GCSAML: variants seen among roughly 807,000 people sequenced by gnomAD.
GCSAML encodes germinal center associated signaling and motility like.
GCSAML carries 9 observed loss-of-function variants against 13.0 expected under a neutral mutation model. The observed-to-expected ratio is 0.69, with a 90% CI of 0.42 to 1.21. The LOEUF is 1.21. Among genes scored for constraint, GCSAML ranks in the 50% most tolerant of loss-of-function variants. The pLI, the probability that GCSAML is intolerant of heterozygous loss-of-function variation, is 0.00. For missense variants in GCSAML, 143 were observed against 153.4 expected (o/e 0.93, Z 0.36); for synonymous variants, 37 against 52.9 (o/e 0.70, Z 1.31).
rs1173362057 is a variant in GCSAML at position 247,577,605 on chromosome 1, A to C, written c.*3223A>C. ...TAGATATACTATAATTTGTTAATCT[A>C]ATCACTGATGGATATGTAGGATATT... On this transcript the variant is annotated 3_prime_UTR_variant, in exon 5 of 5. Transcript: ENST00000366488. The C allele has an allele frequency of 6.6e-6, 1 of 152,230 alleles. No individual in the cohort carries two copies. The highest frequency in any genetic ancestry group is 1.5e-5 in the Non-Finnish European group (1 of 68,038). The allele number at this position is 152,230 out of a possible 1,614,324, so 9.4% of individuals were successfully genotyped here.
chr1:247,532,450 C>G (rs201316551), intron 2 of GCSAML: 4 of 1,613,792 alleles, frequency 2.5e-6, no homozygotes, highest in Non-Finnish European at 3.4e-6. Context: ...TAGTGAGGGT[C>G]GTGTGGAGAA....
chr1:247,565,763 T>G, intron 3 of GCSAML, 168 bp from the exon 4 acceptor site: 1 of 592,730 alleles, frequency 1.7e-6, no homozygotes, highest in East Asian at 3.2e-5. Context: ...TCTTGAGAAC[T>G]TCAGTTATAA....
chr1:247,542,381 A>G (rs996403179), intron 2 of GCSAML, among the ~76,000 whole-genome samples: 2 of 152,240 alleles, frequency 1.3e-5, no homozygotes, highest in African/African-American at 4.8e-5. Context: ...CTTGTAGAAT[A>G]CTGGTGGTCC....
intron 2 of GCSAML, among the ~76,000 whole-genome samples, chr1:247,541,987 G>C (rs1258061662): frequency 6.7e-6 from 1 of 149,728 alleles, no homozygotes; most frequent in Non-Finnish European, 1.5e-5. Context: ...TCCAGCCTGG[G>C]CAACAGAGTG....
chr1:247,549,880 T>C (rs769623757), intron 1 of GCSAML, among the ~76,000 whole-genome samples: 5 of 152,250 alleles, frequency 3.3e-5, no homozygotes, highest in Non-Finnish European at 5.9e-5. Flanking sequence ...TAATCTTAAA[T>C]GATGGGCTCT....
chr1:247,514,223 C>T lies in GCSAML; in HGVS notation c.-263+6990C>T, dbSNP rs564693546. 7.9e-5 allele frequency among the ~76,000 whole-genome samples: 12 copies of T among 152,292 alleles called. No homozygotes were observed. The East Asian group carries it at 2.1e-3, about 27-fold the overall frequency. On this transcript the variant is annotated intron_variant, in intron 1 of 5. Coordinates refer to the GCSAML transcript ENST00000366489. ...CCGGATCTCTTGACCTCATGATCTG[C>T]CCACCTTGGCCTCCCAAAGTGCTGG... is the stretch of plus-strand genomic sequence containing the variant.
At chr1:247,542,449 G>A (rs887404556) in intron 2 of GCSAML, among the ~76,000 whole-genome samples, 1 of 152,180 alleles carries the variant, frequency 6.6e-6, no homozygotes, top group Admixed American at 6.5e-5. Flanking sequence ...TCCCAAAGTG[G>A]ATCATTCAGT....
chr1:247,555,567 A>T (rs1294293064), intron 1 of GCSAML, among the ~76,000 whole-genome samples: 1 of 152,194 alleles, frequency 6.6e-6, no homozygotes, highest in African/African-American at 2.4e-5. Context: ...CTATTCAGGG[A>T]AGGCACTTTC....
intron 1 of GCSAML, among the ~76,000 whole-genome samples, chr1:247,518,840 AT>A (rs1666314678): frequency 6.6e-6 from 1 of 152,128 alleles, no homozygotes; most frequent in East Asian, 1.9e-4. Context: ...AATGTAAAAA[AT>A]TAGCCGGGCT....
chr1:247,574,553 G>A lies in GCSAML; in HGVS notation c.*171G>A, dbSNP rs1168941256. 7.7e-6 allele frequency: 5 copies of A among 652,612 alleles called. No homozygotes were observed. Among genetic ancestry groups the A allele is most frequent in the Non-Finnish European group, 2.5e-6 (1 of 395,422 alleles). 40.4% of individuals were successfully genotyped at this position (652,612 alleles called of 1,614,324 possible). On this transcript the variant is annotated 3_prime_UTR_variant, in exon 5 of 5. Transcript: ENST00000366488. ...AACTCTGATATGTGGCATCTCTGTG[G>A]CTTAGGTGAAATCATAGAAATTGAC...
At chr1:247,511,337 C>T (rs1558231152) in intron 1 of GCSAML, among the ~76,000 whole-genome samples, 1 of 151,970 alleles carries the variant, frequency 6.6e-6, no homozygotes, top group Non-Finnish European at 1.5e-5. Context: ...GGATTGCAAC[C>T]TCTGCTTTTT....
chr1:247,509,626 G>C (rs1202629336), intron 1 of GCSAML, among the ~76,000 whole-genome samples: 1 of 152,116 alleles, frequency 6.6e-6, no homozygotes, highest in Non-Finnish European at 1.5e-5. Context: ...CAGTATGATA[G>C]TGGCTGTGGG....
At chr1:247,547,354 G>A (rs1667618702), upstream of GCSAML, among the ~76,000 whole-genome samples, 1 of 152,154 alleles carries the variant, frequency 6.6e-6, no homozygotes, top group Admixed American at 6.5e-5. Context: ...GATGGAGAAC[G>A]TGAGTTCCAG....
chr1:247,548,914 T>C, upstream of GCSAML: 1 of 577,300 alleles, frequency 1.7e-6, no homozygotes, highest in Non-Finnish European at 2.8e-6. This position sits in a 1 kb window ranked among gnomAD's most constrained non-coding sequence, Gnocchi z 5.3. Flanking sequence ...TTCAGCCTGA[T>C]TTTTTCCCAC....
At chr1:247,535,315 A>G (rs1667175713) in intron 2 of GCSAML, among the ~76,000 whole-genome samples, 2 of 152,154 alleles carry the variant, frequency 1.3e-5, no homozygotes, top group Non-Finnish European at 2.9e-5. Flanking sequence ...ACCCTGTCTC[A>G]AAACAACAAC....
chr1:247,532,740 G>T, intron 2 of GCSAML: 1 of 553,354 alleles, frequency 1.8e-6, no homozygotes, highest in Non-Finnish European at 3.2e-6. Flanking sequence ...TGAGAATACA[G>T]GCACGTACTA....
intron 1 of GCSAML, among the ~76,000 whole-genome samples, chr1:247,524,313 C>T (rs1017258514): frequency 6.6e-6 from 1 of 152,176 alleles, no homozygotes; most frequent in African/African-American, 2.4e-5. Context: ...ACACATGTAG[C>T]CCTTCCTCTT....
chr1:247,550,055 G>A (rs994784883), intron 1 of GCSAML, among the ~76,000 whole-genome samples: 1 of 152,132 alleles, frequency 6.6e-6, no homozygotes, highest in Admixed American at 6.5e-5. Context: ...ATGACCTAAC[G>A]CTAATAGACG....
At chr1:247,547,353 C>T (rs1177175489), upstream of GCSAML, among the ~76,000 whole-genome samples, 4 of 152,210 alleles carry the variant, frequency 2.6e-5, no homozygotes, top group Non-Finnish European at 5.9e-5. Flanking sequence ...AGATGGAGAA[C>T]GTGAGTTCCA....
Sources: allele counts gnomAD v4.1 joint callset (sites outside exome capture counted in the v4.1 genomes callset), GRCh38; gene constraint gnomAD v4.1.1; non-coding constraint Gnocchi (gnomAD v3.1); transcripts MANE v1.5; gene names NCBI Gene and HGNC (gene_info 2026-07-23, HGNC 2026-07-21).